RBFOX1: variants seen among roughly 807,000 people sequenced by gnomAD.
RBFOX1 encodes RNA binding fox-1 homolog 1.
Under a neutral mutation model 57.7 loss-of-function variants are expected in RBFOX1, and 8 were observed. The ratio of observed to expected loss-of-function variants is 0.14; its 90% CI spans 0.08 to 0.25. The LOEUF (loss-of-function observed/expected upper bound fraction) is 0.25. RBFOX1 is among the 10% of genes least tolerant of loss of function. RBFOX1 has a pLI of 1.00. For missense variants in RBFOX1, 611 were observed against 548.5 expected (o/e 1.11, Z -1.14); for synonymous variants, 326 against 222.4 (o/e 1.47, Z -4.15).
At chr16:6,072,638 A>AT (rs1286516523) in intron 1 of RBFOX1, among the ~76,000 whole-genome samples, 3 of 145,086 alleles carry the variant, frequency 2.1e-5, no homozygotes, top group Non-Finnish European at 4.6e-5. Flanking sequence ...TTAATTTTTC[A>AT]TTTTTTTGAT....
Position 7,269,446 on chromosome 16 carries a change from G to C in RBFOX1, c.27+217348G>C, listed in dbSNP as rs550747198. Reference sequence around the variant, plus strand: ...CTCTTTTTGGGGTCTCTGTGTGTGTGTATGTGTGTTTGTGGGACAGAGAGA... The same window carrying C: ...CTCTTTTTGGGGTCTCTGTGTGTGTCTATGTGTGTTTGTGGGACAGAGAGA... On this transcript the variant is annotated intron_variant, in intron 4 of 15. Coordinates refer to ENST00000550418, the MANE Select transcript of RBFOX1 (RefSeq NM_018723.4). Among the ~76,000 whole-genome samples, 13 of 152,204 alleles carry C rather than the reference G, an allele frequency of 8.5e-5. No individual in the cohort carries two copies. In the East Asian group the frequency reaches 2.1e-3, roughly 25 times the overall value.
rs181545553 is a variant in RBFOX1, at chr16:5,658,987, G to A, written c.318+60026G>A. 8.5e-4 allele frequency among the ~76,000 whole-genome samples: 129 copies of A among 151,994 alleles called. No individual in the cohort carries two copies. The Middle Eastern group carries it at 0.01, about 12-fold the overall frequency. On this transcript the variant is annotated intron_variant, in intron 3 of 19. Coordinates refer to the RBFOX1 transcript ENST00000641259. ...ATTGCGATGCTATAAACATGCATGA[G>A]CAATTATCTTTTTTGCATAACCTTG...
intron 3 of RBFOX1, among the ~76,000 whole-genome samples, chr16:6,938,649 G>A (rs2077782865): frequency 6.6e-6 from 1 of 152,134 alleles, no homozygotes; most frequent in Admixed American, 6.6e-5. Context: ...AGGTTAAAGG[G>A]CAGAAAATTG....
At chr16:7,303,922 C>G (rs570091693) in intron 4 of RBFOX1, among the ~76,000 whole-genome samples, 60 of 152,022 alleles carry the variant, frequency 3.9e-4, no homozygotes, top group African/African-American at 1.4e-3. Context: ...TCCCCTGCCC[C>G]TTCCAGAGAA....
chr16:5,579,294 C>A (rs181083273), intron 2 of RBFOX1, among the ~76,000 whole-genome samples: 1 of 152,108 alleles, frequency 6.6e-6, no homozygotes, highest in East Asian at 1.9e-4. Flanking sequence ...TCTTGCCTCC[C>A]GTCCGTCACT....
chr16:7,407,360 A>G (rs145350276), intron 4 of RBFOX1, among the ~76,000 whole-genome samples: 99 of 131,850 alleles, frequency 7.5e-4, no homozygotes, highest in Non-Finnish European at 1.4e-3. Flanking sequence ...TTTGACTTCA[A>G]GGGATTTGTA....
At chr16:6,422,122 C>T (rs1226752164) in intron 2 of RBFOX1, among the ~76,000 whole-genome samples, 1 of 151,798 alleles carries the variant, frequency 6.6e-6, no homozygotes, top group Non-Finnish European at 1.5e-5. Flanking sequence ...GGAGTTTTCC[C>T]ATTTTGGCCT....
chr16:6,986,466 T>C (rs1325644461), intron 3 of RBFOX1, among the ~76,000 whole-genome samples: 2 of 152,190 alleles, frequency 1.3e-5, no homozygotes, highest in South Asian at 4.1e-4. Flanking sequence ...CCCAAAGTGC[T>C]GGTATTACAG....
intron 1 of RBFOX1, among the ~76,000 whole-genome samples, chr16:5,278,988 T>C (rs918795465): frequency 2.6e-5 from 4 of 152,228 alleles, no homozygotes; most frequent in African/African-American, 9.6e-5. Context: ...TTGGTTACTA[T>C]AGCTTTGCAG....
At chr16:7,564,540 CAAAAAAAA>C (rs5815409) in intron 5 of RBFOX1, among the ~76,000 whole-genome samples, 20 of 82,516 alleles carry the variant, frequency 2.4e-4, no homozygotes, top group South Asian at 1.4e-3. Context: ...GACTCCATCT[CAAAAAAAA>C]AAAAAAAAAA....
chr16:5,273,713 G>T (rs1293650403), intron 1 of RBFOX1, among the ~76,000 whole-genome samples: 1 of 152,140 alleles, frequency 6.6e-6, no homozygotes, highest in Non-Finnish European at 1.5e-5. Flanking sequence ...GGCTGAGTCT[G>T]TGGGTCAGTG....
chr16:6,825,273 C>T (rs1603629336), intron 3 of RBFOX1, among the ~76,000 whole-genome samples: 1 of 151,196 alleles, frequency 6.6e-6, no homozygotes, highest in East Asian at 1.9e-4. Flanking sequence ...CACCCCTTCC[C>T]TACTCTAGAT....
At chr16:7,066,132 A>G (rs1199432080) in intron 4 of RBFOX1, among the ~76,000 whole-genome samples, 3 of 152,248 alleles carry the variant, frequency 2.0e-5, no homozygotes, top group Admixed American at 6.5e-5. Context: ...CATTAGGCAC[A>G]AACAAATGCT....
At chr16:6,827,401 G>T (rs924005145) in intron 3 of RBFOX1, among the ~76,000 whole-genome samples, 2 of 152,134 alleles carry the variant, frequency 1.3e-5, no homozygotes, top group African/African-American at 4.8e-5. Flanking sequence ...CGCTGGAGGG[G>T]AAGTGCTTAT....
chr16:7,676,056 T>C (rs1440452604), intron 13 of RBFOX1, among the ~76,000 whole-genome samples: 1 of 152,256 alleles, frequency 6.6e-6, no homozygotes, highest in African/African-American at 2.4e-5. Context: ...ATGTTAATTA[T>C]TTTTTCTTTT....
chr16:6,010,091 G>C (rs368016697), intron 4 of RBFOX1, among the ~76,000 whole-genome samples: 1 of 152,048 alleles, frequency 6.6e-6, no homozygotes, highest in Non-Finnish European at 1.5e-5. Flanking sequence ...CTTTCTTCCT[G>C]GGGACATTAA....
chr16:7,423,634 G>T (rs186584176), intron 4 of RBFOX1, among the ~76,000 whole-genome samples: 4 of 152,294 alleles, frequency 2.6e-5, no homozygotes, highest in Non-Finnish European at 5.9e-5. Flanking sequence ...TGCAATTGCA[G>T]CTTGTGCTGT....
intron 3 of RBFOX1, among the ~76,000 whole-genome samples, chr16:5,691,575 A>C (rs1280950453): frequency 6.6e-6 from 1 of 152,156 alleles, no homozygotes; most frequent in African/African-American, 2.4e-5. Flanking sequence ...AATTTTTTCA[A>C]ATTTTGGAAT....
rs113175741 is a variant in RBFOX1, at chr16:7,163,196, C to G, written c.27+111098C>G. Among the ~76,000 whole-genome samples the G allele has an allele frequency of 9.1e-3, 1,387 of 152,098 alleles. 16 individuals carry two copies. The highest frequency in any genetic ancestry group is 0.032 in the African/African-American group (1,323 of 41,472). On this transcript the variant is annotated intron_variant, in intron 4 of 15. Transcript: ENST00000550418. Reference sequence around the variant, plus strand: ...CAACTGAGATTTGAAAAGGTTTTGACTTGCCTGAGTTAAAGCAGGGGGAGT... The same window carrying G: ...CAACTGAGATTTGAAAAGGTTTTGAGTTGCCTGAGTTAAAGCAGGGGGAGT...
Sources: gnomAD v4.1 joint callset for allele counts (sites outside exome capture counted in the v4.1 genomes callset) on GRCh38, gnomAD v4.1.1 for gene constraint, MANE v1.5 for transcripts, NCBI Gene and HGNC (gene_info 2026-07-23, HGNC 2026-07-21) for gene names.